PEBP4: variants seen among roughly 807,000 people sequenced by gnomAD.
PEBP4 encodes the protein phosphatidylethanolamine binding protein 4.
A neutral mutation model predicts 23.9 loss-of-function variants in PEBP4; 22 were observed. The observed-to-expected ratio is 0.92, with a 90% confidence interval of 0.66 to 1.31. PEBP4 has a LOEUF of 1.31. PEBP4 is among the 40% of genes most tolerant of loss of function. The pLI, the probability that PEBP4 is intolerant of heterozygous loss-of-function variation, is 0.00. For synonymous variants in PEBP4, 112 were observed against 99.3 expected (o/e 1.13, Z -0.76); for missense variants, 324 against 281.7 (o/e 1.15, Z -1.07).
chr8:22,748,565 C>T (rs1352947692), intron 4 of PEBP4, among the ~76,000 whole-genome samples: 3 of 151,442 alleles, frequency 2.0e-5, no homozygotes, highest in African/African-American at 7.3e-5. Context: ...CCCTCCCCAG[C>T]ATTCTTCTGT....
chr8:22,910,253 G>A (rs1171077068), intron 3 of PEBP4, among the ~76,000 whole-genome samples: 1 of 152,234 alleles, frequency 6.6e-6, no homozygotes, highest in Non-Finnish European at 1.5e-5. Context: ...CAAATAAAAA[G>A]GATTGTCATG....
intron 4 of PEBP4, among the ~76,000 whole-genome samples, chr8:22,769,777 C>T (rs565545751): frequency 9.2e-5 from 14 of 152,188 alleles, no homozygotes; most frequent in African/African-American, 2.9e-4. Flanking sequence ...TGTTTTTCTT[C>T]GTATGAAAGA....
At chr8:22,815,628 C>T (rs186972400) in intron 4 of PEBP4, among the ~76,000 whole-genome samples, 4 of 152,302 alleles carry the variant, frequency 2.6e-5, no homozygotes, top group East Asian at 1.9e-4. Flanking sequence ...GCAAATGTGA[C>T]GGAAACCCGC....
intron 3 of PEBP4, among the ~76,000 whole-genome samples, chr8:22,854,123 T>C (rs2128767576): frequency 6.6e-6 from 1 of 152,338 alleles, no homozygotes; most frequent in South Asian, 2.1e-4. Context: ...CTCCAGGTGC[T>C]AGAGGACTGG....
At chr8:22,754,203 G>A (rs190768485) in intron 4 of PEBP4, among the ~76,000 whole-genome samples, 20 of 152,228 alleles carry the variant, frequency 1.3e-4, no homozygotes, top group African/African-American at 4.3e-4. Context: ...ACCCCTGGCC[G>A]CCCCACCCAC....
At chr8:22,749,049 G>C (rs184866827) in intron 4 of PEBP4, among the ~76,000 whole-genome samples, 208 of 152,294 alleles carry the variant, frequency 1.4e-3, no homozygotes, top group African/African-American at 4.8e-3. Context: ...AGGGGACTGA[G>C]GTGGGTGTGG....
intron 3 of PEBP4, among the ~76,000 whole-genome samples, chr8:22,829,118 C>A (rs1181654706): frequency 6.6e-6 from 1 of 152,190 alleles, no homozygotes; most frequent in East Asian, 1.9e-4. Flanking sequence ...TCTTAATCAG[C>A]TTAAATGGCC....
At chr8:22,845,043 G>T (rs901345644) in intron 3 of PEBP4, among the ~76,000 whole-genome samples, 7 of 152,210 alleles carry the variant, frequency 4.6e-5, no homozygotes, top group Non-Finnish European at 1.0e-4. Context: ...GCAAAGGGGA[G>T]AGCAGCAGTA....
intron 1 of PEBP4, among the ~76,000 whole-genome samples, chr8:22,939,108 GTTTT>G (rs1277187159): frequency 6.6e-6 from 1 of 152,016 alleles, no homozygotes; most frequent in Non-Finnish European, 1.5e-5. Flanking sequence ...AATTTCTTTT[GTTTT>G]TTTCTCAGGG....
At chr8:22,723,849 C>G (rs1056746457) in intron 6 of PEBP4, among the ~76,000 whole-genome samples, 21 of 152,194 alleles carry the variant, frequency 1.4e-4, no homozygotes, top group Non-Finnish European at 2.5e-4. Context: ...GTCGCTCAAC[C>G]TGTGCCTTTC....
chr8:22,810,715 A>T (rs113567308), intron 4 of PEBP4, among the ~76,000 whole-genome samples: 184 of 121,532 alleles, frequency 1.5e-3, no homozygotes, highest in African/African-American at 3.4e-3. Flanking sequence ...TGTGTGTGTG[A>T]GAGAGAGAGA....
chr8:22,887,128 G>GTT (rs1201113669), intron 3 of PEBP4: 3 of 151,850 alleles, frequency 2.0e-5, no homozygotes, highest in Non-Finnish European at 4.4e-5. Context: ...ATGTGTGTGT[G>GTT]TGTGTGTATT....
chr8:22,936,136 G>A (rs150306969), intron 1 of PEBP4, among the ~76,000 whole-genome samples: 2 of 151,814 alleles, frequency 1.3e-5, no homozygotes, highest in African/African-American at 4.8e-5. Flanking sequence ...CCAAAAGTTG[G>A]TTCTTTGAAA....
rs146525860 is a variant in PEBP4, at chr8:22,821,303, T to C, written c.259-3568A>G. 4.5e-3 allele frequency among the ~76,000 whole-genome samples: 688 copies of C among 152,218 alleles called. 2 individuals carry two copies. The highest frequency in any genetic ancestry group is 0.016 in the African/African-American group (663 of 41,518). On this transcript the variant is annotated intron_variant, in intron 3 of 6. Coordinates refer to ENST00000256404, the MANE Select transcript of PEBP4 (RefSeq NM_144962.3). Reference sequence around the variant, plus strand: ...ACAAACCCTGAAAACTGCAATACTCTGGAGAAAGACCACAGGGATTTCCAT... The same window carrying C: ...ACAAACCCTGAAAACTGCAATACTCCGGAGAAAGACCACAGGGATTTCCAT...
intron 4 of PEBP4, among the ~76,000 whole-genome samples, chr8:22,798,371 C>T (rs931839449): frequency 5.9e-5 from 9 of 152,154 alleles, no homozygotes; most frequent in Non-Finnish European, 8.8e-5. Flanking sequence ...CCTTTATCTA[C>T]TCTCACACAC....
chr8:22,790,488 G>T (rs1458159413), intron 4 of PEBP4, among the ~76,000 whole-genome samples: 1 of 152,198 alleles, frequency 6.6e-6, no homozygotes, highest in African/African-American at 2.4e-5. Context: ...GGAAGAGGAA[G>T]ACATCCCAGA....
chr8:22,767,154 C>T (rs1308663208), intron 4 of PEBP4, among the ~76,000 whole-genome samples: 1 of 152,184 alleles, frequency 6.6e-6, no homozygotes, highest in Non-Finnish European at 1.5e-5. Context: ...TCATACAGCA[C>T]AATAAATTGA....
At chr8:22,800,879 C>T (rs530272678) in intron 4 of PEBP4, among the ~76,000 whole-genome samples, 1 of 152,218 alleles carries the variant, frequency 6.6e-6, no homozygotes, top group East Asian at 1.9e-4. Context: ...TAGGAACAGT[C>T]CAGATTTTGG....
At chr8:22,784,939 G>A (rs117226832) in intron 4 of PEBP4, among the ~76,000 whole-genome samples, 18 of 152,308 alleles carry the variant, frequency 1.2e-4, no homozygotes, top group African/African-American at 2.4e-4. Context: ...CCATCTGGGC[G>A]TCACCTTTTG....
Sources: gnomAD v4.1 joint callset for allele counts (sites outside exome capture counted in the v4.1 genomes callset) on GRCh38, gnomAD v4.1.1 for gene constraint, MANE v1.5 for transcripts, NCBI Gene and HGNC (gene_info 2026-07-23, HGNC 2026-07-21) for gene names.